The following HTT variants were observed in gnomAD, a reference collection of about 807,000 sequenced individuals.
The protein encoded by HTT is huntington disease protein.
In HTT, 104 loss-of-function variants were observed where a neutral mutation model predicts 362.3. The ratio of observed to expected loss-of-function variants is 0.29; its 90% CI spans 0.24 to 0.34. The LOEUF is 0.34. Ranked by LOEUF, HTT falls within the 10% of genes least tolerant of loss-of-function variation. The pLI, the probability that HTT is intolerant of heterozygous loss-of-function variation, is 1.00. For synonymous variants in HTT, 1,577 were observed against 1,548.7 expected, an observed-to-expected ratio of 1.02 and a Z score of -0.43; for missense variants, 3,301 against 3,928.6, an observed-to-expected ratio of 0.84 and a Z score of 4.27.
rs143045740 is a variant in HTT at position 3,102,083 on chromosome 4, G to A, written c.469-1741G>A. Among the ~76,000 whole-genome samples the A allele has an allele frequency of 2.2e-3, 330 of 152,304 alleles. 1 individual carries two copies. The highest frequency in any genetic ancestry group is 7.7e-3 in the African/African-American group (321 of 41,566). On this transcript the variant is annotated intron_variant, in intron 3 of 66. Transcript: ENST00000355072. ...AGACTTTGGATGTGGTCAGGGGAGT[G>A]TATCATTTAGGAAGAGTGACCCGGT...
intron 18 of HTT, among the ~76,000 whole-genome samples, chr4:3,134,137 A>G (rs961549448): frequency 6.6e-6 from 1 of 152,148 alleles, no homozygotes; most frequent in African/African-American, 2.4e-5. Flanking sequence ...TTGCTGTTTG[A>G]GAGTTGAAAC....
intron 29 of HTT, among the ~76,000 whole-genome samples, chr4:3,168,173 C>T (rs1717801356): frequency 6.6e-6 from 1 of 152,206 alleles, no homozygotes; most frequent in African/African-American, 2.4e-5. Context: ...AGTTCTGAGG[C>T]AGCTGGAAAG....
Position 3,243,921 on chromosome 4 carries a change from A to T in HTT, c.*3862A>T, listed in dbSNP as rs1235829798. ...ATTTAATTTTTTAACTGCTGCAAAC[A>T]TTGTACATCCAAATTAAAGGAAAAA... is the stretch of plus-strand genomic sequence containing the variant. On this transcript the variant is annotated 3_prime_UTR_variant, in exon 67 of 67. Coordinates refer to ENST00000355072, the MANE Select transcript of HTT (RefSeq NM_001388492.1). 6.6e-6 allele frequency: 1 copy of T among 152,234 alleles called. No individual in the cohort carries two copies. Among genetic ancestry groups the T allele is most frequent in the East Asian group, 1.9e-4 (1 of 5,192 alleles). 9.4% of individuals were successfully genotyped at this position (152,234 alleles called of 1,614,324 possible).
intron 29 of HTT, among the ~76,000 whole-genome samples, chr4:3,167,109 T>A (rs1717754713): frequency 6.6e-6 from 1 of 152,242 alleles, no homozygotes; most frequent in African/African-American, 2.4e-5. Flanking sequence ...TCTTGCTCTG[T>A]CGCCCAGGCT....
Position 3,108,182 on chromosome 4 carries a change from C to G in HTT, c.747+759C>G, listed in dbSNP as rs112416165. ...TAAAGGAATATGTGTTAGAGTGTAG[C>G]ATAGTCACCCACGGGAAGGGCTTAG... On this transcript the variant is annotated intron_variant, in intron 6 of 66. Transcript: ENST00000355072. Among the ~76,000 whole-genome samples, 960 of 152,318 alleles carry G rather than the reference C, an allele frequency of 6.3e-3. 12 individuals are homozygous for G. The highest frequency in any genetic ancestry group is 0.022 in the African/African-American group (928 of 41,566).
intron 66 of HTT, among the ~76,000 whole-genome samples, chr4:3,239,379 G>T (rs1057180580): frequency 6.6e-6 from 1 of 152,032 alleles, no homozygotes; most frequent in South Asian, 2.1e-4. Flanking sequence ...AAAGGCTTAA[G>T]TAAAGATCCA....
rs1721349132 is a variant in HTT at position 3,233,274 on chromosome 4, G to A, written c.8377G>A (p.Asp2793Asn). 3 of 1,611,574 alleles carry A rather than the reference G, an allele frequency of 1.9e-6. No individual in the cohort carries two copies. The highest frequency in any genetic ancestry group is 2.5e-6 in the Non-Finnish European group (3 of 1,178,434). Residue 2793 changes from aspartate to asparagine, a missense_variant, in exon 61 of 67, where the codon GAC becomes AAC. Transcript: ENST00000355072. ...LHGVLYVLECDLLDDTAKQLI... is the reference protein window; with the variant it reads ...LHGVLYVLECNLLDDTAKQLI... ...CGGCGTCCTCTATGTGCTGGAGTGC[G>A]ACCTGCTGGACGACACTGCCAAGCA...
chr4:3,169,754 A>G (rs1250705684), intron 29 of HTT, among the ~76,000 whole-genome samples: 1 of 152,054 alleles, frequency 6.6e-6, no homozygotes, highest in Admixed American at 6.6e-5. Flanking sequence ...GTGTATTTTT[A>G]TTAGAGATGG....
At chr4:3,176,197 T>C (rs1190573601) in intron 33 of HTT, among the ~76,000 whole-genome samples, 1 of 151,932 alleles carries the variant, frequency 6.6e-6, no homozygotes, top group Non-Finnish European at 1.5e-5. Context: ...CAGGCTAATT[T>C]TTTGTATTTT....
At chr4:3,223,862 C>A in intron 55 of HTT, 130 bp from the exon 56 acceptor site, 1 of 932,600 alleles carries the variant, frequency 1.1e-6, no homozygotes, top group Admixed American at 2.1e-5. Flanking sequence ...CAGGTGCTCA[C>A]TTAGGAAGTG....
At chr4:3,145,123 G>A (rs372453677) in intron 23 of HTT, 29 bp from the exon 24 acceptor site, 2 of 1,511,762 alleles carry the variant, frequency 1.3e-6, no homozygotes, top group African/African-American at 1.4e-5. Context: ...TGGTGTTTGG[G>A]TGTGATTTTA....
At chr4:3,139,477 C>T (rs201266409) in intron 21 of HTT, among the ~76,000 whole-genome samples, 3 of 152,160 alleles carry the variant, frequency 2.0e-5, no homozygotes, top group South Asian at 2.1e-4. Context: ...GGATTACAGG[C>T]GTGAGCCACC....
At position 3,187,889 on chromosome 4, in the gene HTT, A is replaced by G. The variant is rs1282201018; in HGVS notation, c.5225+3A>G. On this transcript the variant is annotated splice_donor_region_variant and intron_variant, in intron 39 of 66. Transcript: ENST00000355072. ...TTGCCAGAAGAAACATTTTCAAGGT[A>G]TGCTTTCTATCTGAGCCTATAACTA... 1 of 1,574,444 alleles carries G rather than the reference A, an allele frequency of 6.4e-7. No individual in the cohort carries two copies. Among genetic ancestry groups the G allele is most frequent in the African/African-American group, 1.4e-5 (1 of 73,748 alleles).
chr4:3,147,597 A>G (rs1458492242), intron 25 of HTT, among the ~76,000 whole-genome samples: 1 of 152,254 alleles, frequency 6.6e-6, no homozygotes, highest in Non-Finnish European at 1.5e-5. Flanking sequence ...CATTCATCCA[A>G]CTTGAACATG....
chr4:3,212,903 A>G (rs1459037987), intron 49 of HTT, 194 bp downstream of exon 49: 1 of 602,226 alleles, frequency 1.7e-6, no homozygotes, highest in East Asian at 2.9e-5. Flanking sequence ...GCCACTCCTC[A>G]TGGTGGCCTG....
In HTT at chr4:3,147,911, T is replaced by A. The variant is rs558746126; in HGVS notation, c.3296-94T>A. On this transcript the variant is annotated intron_variant, in intron 25 of 66. Coordinates refer to ENST00000355072, the MANE Select transcript of HTT (RefSeq NM_001388492.1). ...TCAGGCACAGATGTCTGGCCAACTC[T>A]CAACATAGGGTCTTAAATGACTTCA... 815 of 975,228 alleles carry A rather than the reference T, an allele frequency of 8.4e-4. 4 individuals carry two copies. Among genetic ancestry groups the A allele is most frequent in the Non-Finnish European group, 9.9e-4 (648 of 653,404 alleles). The allele number at this position is 975,228 out of a possible 1,614,324, so 60.4% of individuals were successfully genotyped here.
intron 26 of HTT, among the ~76,000 whole-genome samples, chr4:3,148,828 G>A (rs1399624735): frequency 2.6e-5 from 4 of 151,876 alleles, no homozygotes; most frequent in Non-Finnish European, 5.9e-5. Flanking sequence ...ATGGTGGTGC[G>A]TGCCTGTAAT....
chr4:3,226,606 T>G (rs1344453010), intron 57 of HTT, among the ~76,000 whole-genome samples: 1 of 152,256 alleles, frequency 6.6e-6, no homozygotes, highest in Non-Finnish European at 1.5e-5. Context: ...CGGTGCTGTG[T>G]CTTTCGCTCA....
chr4:3,094,507 C>T (rs1017267956), intron 2 of HTT, among the ~76,000 whole-genome samples: 1 of 151,088 alleles, frequency 6.6e-6, no homozygotes, highest in Non-Finnish European at 1.5e-5. Context: ...AGAGGCGCCC[C>T]CCAACCTCCC....
Sources: gnomAD v4.1 joint callset for allele counts (sites outside exome capture counted in the v4.1 genomes callset) on GRCh38, gnomAD v4.1.1 for gene constraint, MANE v1.5 for transcripts, NCBI Gene and HGNC (gene_info 2026-07-23, HGNC 2026-07-21) for gene names.